The following ABCA1 variants were observed in gnomAD, a reference collection of about 807,000 sequenced individuals.
The protein encoded by ABCA1 is ATP binding cassette subfamily A member 1.
In ABCA1, 133 loss-of-function variants were observed where a neutral mutation model predicts 262.5. That is an observed-to-expected ratio of 0.51 (90% CI 0.44 to 0.59). ABCA1 has a LOEUF of 0.59. Among genes scored for constraint, ABCA1 ranks in the 20% least tolerant of loss-of-function variants. The pLI, the probability that ABCA1 is intolerant of heterozygous loss-of-function variation, is 0.00. For missense variants in ABCA1, 2,452 were observed against 2,777.5 expected (o/e 0.88, Z 2.63); for synonymous variants, 1,022 against 1,043.5 (o/e 0.98, Z 0.40).
intron 5 of ABCA1, among the ~76,000 whole-genome samples, chr9:104,881,759 G>A (rs966819612): frequency 6.6e-6 from 1 of 152,076 alleles, no homozygotes; most frequent in African/African-American, 2.4e-5. Context: ...TTGATCAGGG[G>A]TTGTTGCTAC....
At chr9:104,867,390 A>G (rs1837192806) in intron 5 of ABCA1, among the ~76,000 whole-genome samples, 4 of 152,206 alleles carry the variant, frequency 2.6e-5, no homozygotes, top group Admixed American at 6.5e-5. Flanking sequence ...GGCTAATATC[A>G]TCATCATTTT....
At chr9:104,818,169 TAA>T (rs34642413) in intron 23 of ABCA1, among the ~76,000 whole-genome samples, 373 of 145,154 alleles carry the variant, frequency 2.6e-3, no homozygotes, top group Non-Finnish European at 2.8e-3. Flanking sequence ...TGATAGAGGT[TAA>T]AAAAAAAAAA....
intron 5 of ABCA1, among the ~76,000 whole-genome samples, chr9:104,870,514 T>C (rs551443138): frequency 2.6e-4 from 39 of 152,348 alleles, no homozygotes; most frequent in Admixed American, 6.5e-4. Context: ...ACACCTGCTA[T>C]GATTTGAACG....
intron 3 of ABCA1, among the ~76,000 whole-genome samples, chr9:104,888,381 C>T (rs929406896): frequency 6.6e-6 from 1 of 152,140 alleles, no homozygotes; most frequent in Non-Finnish European, 1.5e-5. Flanking sequence ...AGTGTCAATC[C>T]ACCCACTGAG....
Position 104,788,045 on chromosome 9 carries a change from A to G in ABCA1, c.6079T>C (p.Trp2027Arg), listed in dbSNP as rs760037059. ...ACGAGGCCCAGTTTCCGAATCGCCCACTCACCAACCTACAGTGATAAAAAG... is the reference window on the plus strand; with the variant it reads ...ACGAGGCCCAGTTTCCGAATCGCCCGCTCACCAACCTACAGTGATAAAAAG... Reference protein sequence around the residue: ...PEKEVGKVGEWAIRKLGLVKY... With the variant: ...PEKEVGKVGERAIRKLGLVKY... Residue 2027 changes from tryptophan (W) to arginine (R), a missense_variant, in exon 46 of 50, where the codon TGG (tryptophan) becomes CGG (arginine). Trp to Arg is a moderately radical substitution (Grantham distance 101). This residue lies in a region of ABCA1 where 752 missense variants were observed against 944.5 expected (regional missense o/e 0.80). Transcript: ENST00000374736. 1 of 1,614,100 alleles carries G rather than the reference A, an allele frequency of 6.2e-7. No individual in the cohort carries two copies. Among genetic ancestry groups the G allele is most frequent in the East Asian group, 2.2e-5 (1 of 44,864 alleles).
At chr9:104,847,438 G>C (rs1310879573) in intron 7 of ABCA1, among the ~76,000 whole-genome samples, 1 of 152,176 alleles carries the variant, frequency 6.6e-6, no homozygotes, top group African/African-American at 2.4e-5. Flanking sequence ...CCTGGCACAT[G>C]GTAATTCCTC....
intron 13 of ABCA1, 80 bp from the exon 14 acceptor site, chr9:104,831,181 C>CCCTA (rs1833282555): frequency 7.8e-7 from 1 of 1,284,652 alleles, no homozygotes; most frequent in Non-Finnish European, 1.1e-6. Flanking sequence ...TTGCCCAAAA[C>CCCTA]CCTACTACCC....
At position 104,861,024 on chromosome 9, in the gene ABCA1, G is replaced by A. The variant is rs150998717; in HGVS notation, c.543+655C>T. 3.9e-5 allele frequency among the ~76,000 whole-genome samples: 6 copies of A among 152,208 alleles called. No homozygotes were observed. In the East Asian group the frequency reaches 1.2e-3, roughly 29 times the overall value. On this transcript the variant is annotated intron_variant, in intron 6 of 49. Coordinates refer to ENST00000374736, the MANE Select transcript of ABCA1 (RefSeq NM_005502.4). The stretch of plus-strand genomic sequence containing the variant: ...TCCCGCCTTGGCCTCCCAAAGTGCT[G>A]GGATTATAGACGTGGGATTACAGAC...
At chr9:104,794,600 T>A in intron 39 of ABCA1, 90 bp from the exon 40 acceptor site, 1 of 1,483,728 alleles carries the variant, frequency 6.7e-7, no homozygotes, top group Non-Finnish European at 9.1e-7. Flanking sequence ...ATGTATCAAG[T>A]TCTGAAATAT....
At chr9:104,877,185 T>C (rs571549229) in intron 5 of ABCA1, among the ~76,000 whole-genome samples, 2 of 152,324 alleles carry the variant, frequency 1.3e-5, no homozygotes, top group African/African-American at 4.8e-5. Context: ...ACTTCTGTCA[T>C]CATTATTATT....
chr9:104,835,028 C>T (rs149155661), intron 11 of ABCA1, among the ~76,000 whole-genome samples: 212 of 152,172 alleles, frequency 1.4e-3, no homozygotes, highest in African/African-American at 4.9e-3. Flanking sequence ...GCAGGTGGAT[C>T]ACTTGAGGTC....
intron 19 of ABCA1, 75 bp from the exon 20 acceptor site, chr9:104,821,581 A>T (rs1298081106): frequency 6.4e-7 from 1 of 1,565,502 alleles, no homozygotes; most frequent in East Asian, 2.3e-5. Context: ...TTCAGTCTGC[A>T]GAGAGAACAG....
intron 30 of ABCA1, among the ~76,000 whole-genome samples, chr9:104,807,911 C>A (rs1282055411): frequency 6.9e-6 from 1 of 144,732 alleles, no homozygotes; most frequent in African/African-American, 2.6e-5. Context: ...TTAACTATTT[C>A]TTATTGTTTT....
At chr9:104,916,377 T>A (rs535029871) in intron 1 of ABCA1, among the ~76,000 whole-genome samples, 21 of 152,258 alleles carry the variant, frequency 1.4e-4, no homozygotes, top group Admixed American at 1.1e-3. Flanking sequence ...AAACAAAAAA[T>A]TCCAGTTGAA....
Position 104,884,516 on chromosome 9 carries a change from C to G in ABCA1, c.213G>C (p.Gln71His), listed in dbSNP as rs1301632435. 6.2e-7 allele frequency: 1 copy of G among 1,614,196 alleles called. No individual in the cohort carries two copies. The highest frequency in any genetic ancestry group is 1.1e-5 in the South Asian group (1 of 91,086). Residue 71 changes from glutamine to histidine, a missense_variant, in exon 4 of 50, where the codon CAG becomes CAC. Around this residue, in one of 4 missense-constraint regions of ABCA1, gnomAD observed 1,032 missense variants for 1,089.7 expected, o/e 0.95. Coordinates refer to ENST00000374736, the MANE Select transcript of ABCA1 (RefSeq NM_005502.4). The part of the protein sequence containing the change: ...MPSAGTLPWV[Q>H]GIICNANNPC... ...GGTTGTTGGCATTACAGATAATCCC[C>G]TGAACCCAAGGAAGTGTTCCTGCAG...
intron 43 of ABCA1, 132 bp from the exon 44 acceptor site, chr9:104,791,160 C>T: frequency 3.1e-6 from 2 of 652,398 alleles, no homozygotes; most frequent in Non-Finnish European, 2.7e-6. Context: ...GGTTTTAACA[C>T]ATCGTATAGA....
In ABCA1 at chr9:104,794,343, G is replaced by A. The variant is rs1262571895; in HGVS notation, c.5506+44C>T. On this transcript the variant is annotated intron_variant, in intron 40 of 49. Transcript: ENST00000374736. ...TTCAGGGTACCAAGGCCTATGCAGAGTGCCATCTCCATTAAAGCATCCTAC... is the reference window on the plus strand; with the variant it reads ...TTCAGGGTACCAAGGCCTATGCAGAATGCCATCTCCATTAAAGCATCCTAC... 3 of 1,613,438 alleles carry A rather than the reference G, an allele frequency of 1.9e-6. No individual in the cohort carries two copies. The Admixed American group carries it at 5.0e-5, about 27-fold the overall frequency.
intron 2 of ABCA1, among the ~76,000 whole-genome samples, chr9:104,895,229 A>G (rs1476126471): frequency 6.6e-6 from 1 of 152,218 alleles, no homozygotes; most frequent in Non-Finnish European, 1.5e-5. Context: ...GTTTCTCACC[A>G]AAGTCAAAGC....
At position 104,831,734 on chromosome 9, in the gene ABCA1, C is replaced by CGTA; in HGVS notation, c.1602_1603insTAC (p.Ala534_Gly535insTyr). 1 of 1,614,170 alleles carries CGTA rather than the reference C, an allele frequency of 6.2e-7. No homozygotes were observed. The highest frequency in any genetic ancestry group is 8.5e-7 in the Non-Finnish European group (1 of 1,180,040). On this transcript the variant is annotated inframe_insertion, in exon 13 of 50. Coordinates refer to ENST00000374736, the MANE Select transcript of ABCA1 (RefSeq NM_005502.4). ...GGAGTAATTCCAGTGAACACAATAC[C>CGTA]AGCCCAGAACTTCCTCTCATCCAGC... is the stretch of plus-strand genomic sequence containing the variant.
Sources: allele counts gnomAD v4.1 joint callset (sites outside exome capture counted in the v4.1 genomes callset), GRCh38; gene constraint gnomAD v4.1.1; regional missense constraint gnomAD v4.1.1; transcripts MANE v1.5; gene names NCBI Gene and HGNC (gene_info 2026-07-23, HGNC 2026-07-21).